The following ULK4 variants were observed in gnomAD, a reference collection of about 807,000 sequenced individuals.
ULK4 encodes unc-51 like kinase 4.
In ULK4, 133 loss-of-function variants were observed where a neutral mutation model predicts 160.6. The observed-to-expected ratio is 0.83, with a 90% confidence interval of 0.72 to 0.96. The LOEUF is 0.96. Among genes scored for constraint, ULK4 ranks in the 40% least tolerant of loss-of-function variants. The pLI, the probability that ULK4 is intolerant of heterozygous loss-of-function variation, is 0.00. For missense variants in ULK4, 1,580 were observed against 1,499.5 expected (o/e 1.05, Z -0.89); for synonymous variants, 534 against 539.8 (o/e 0.99, Z 0.15).
chr3:41,575,889 A>G (rs890251730), intron 31 of ULK4, among the ~76,000 whole-genome samples: 14 of 152,102 alleles, frequency 9.2e-5, no homozygotes, highest in African/African-American at 3.1e-4. Flanking sequence ...TTGGCTCTCA[A>G]TGTGGCCCTA....
chr3:41,476,719 C>T (rs987201429), intron 32 of ULK4, among the ~76,000 whole-genome samples: 1 of 152,068 alleles, frequency 6.6e-6, no homozygotes, highest in African/African-American at 2.4e-5. Context: ...GACTACTGGG[C>T]AAATGCATAG....
chr3:41,482,437 G>A (rs1431392210), intron 32 of ULK4, among the ~76,000 whole-genome samples: 1 of 152,150 alleles, frequency 6.6e-6, no homozygotes, highest in African/African-American at 2.4e-5. Context: ...TATGGCCAGA[G>A]AGGAGAAACT....
At position 41,267,070 on chromosome 3, in the gene ULK4, A is replaced by T. The variant is rs1184516781; in HGVS notation, c.3679-17496T>A. Among the ~76,000 whole-genome samples, 3 of 143,162 alleles carry T rather than the reference A, an allele frequency of 2.1e-5. No homozygotes were observed. In the Admixed American group the frequency reaches 2.2e-4, roughly 10 times the overall value. The allele number at this position is 143,162 out of a possible 152,430, so 93.9% of individuals were successfully genotyped here. ...TTTTTTTGCTTTTAAGTTCCAGGATACATGTACAGTACATGCAGGTTGGTT... is the reference window on the plus strand; with the variant it reads ...TTTTTTTGCTTTTAAGTTCCAGGATTCATGTACAGTACATGCAGGTTGGTT... On this transcript the variant is annotated intron_variant, in intron 35 of 36. Coordinates refer to ENST00000301831, the MANE Select transcript of ULK4 (RefSeq NM_017886.4).
rs368901035 is a variant in ULK4 at position 41,660,694 on chromosome 3, C to T, written c.3071+2913G>A. Among the ~76,000 whole-genome samples, 16 of 152,242 alleles carry T rather than the reference C, an allele frequency of 1.1e-4. No homozygotes were observed. In the East Asian group the frequency reaches 1.7e-3, roughly 17 times the overall value. On this transcript the variant is annotated intron_variant, in intron 30 of 36. Transcript: ENST00000301831. ...GGTCTTTAATGCATTGCTCTTGATC[C>T]CCTTGACCTTTGGAGCCTCAGCCAT...
intron 29 of ULK4, among the ~76,000 whole-genome samples, chr3:41,665,740 C>A (rs984460940): frequency 1.3e-5 from 2 of 152,042 alleles, no homozygotes; most frequent in East Asian, 3.9e-4. Flanking sequence ...TAAAATCTAA[C>A]GTCTACTTAA....
intron 32 of ULK4, among the ~76,000 whole-genome samples, chr3:41,495,621 T>C (rs867389868): frequency 7.9e-4 from 118 of 150,184 alleles, no homozygotes; most frequent in African/African-American, 2.6e-3. Context: ...CAAAAGAAAC[T>C]ACCATCAGAG....
intron 35 of ULK4, among the ~76,000 whole-genome samples, chr3:41,307,189 G>A (rs2079962589): frequency 6.6e-6 from 1 of 151,682 alleles, no homozygotes. Context: ...ATAGGACAGT[G>A]AGTGAAGGTG....
chr3:41,718,807 T>G (rs2037358348), intron 22 of ULK4, among the ~76,000 whole-genome samples: 1 of 152,238 alleles, frequency 6.6e-6, no homozygotes, highest in Admixed American at 6.5e-5. Flanking sequence ...ATTGAAATCT[T>G]GATACTTAGC....
At chr3:41,366,547 C>CCA (rs2081257209) in intron 35 of ULK4, among the ~76,000 whole-genome samples, 3 of 129,336 alleles carry the variant, frequency 2.3e-5, no homozygotes, top group Non-Finnish European at 4.8e-5. Context: ...GAAAATATGG[C>CCA]TACACACACA....
chr3:41,915,765 CT>C (rs2148808367), intron 8 of ULK4, among the ~76,000 whole-genome samples: 1 of 152,216 alleles, frequency 6.6e-6, no homozygotes, highest in South Asian at 2.1e-4. Context: ...TTAAAAACAC[CT>C]GCAAACTGAG....
intron 2 of ULK4, among the ~76,000 whole-genome samples, chr3:41,941,556 G>C (rs1268174036): frequency 6.6e-6 from 1 of 151,096 alleles, no homozygotes; most frequent in African/African-American, 2.4e-5. Context: ...GAGCGACCAA[G>C]AGAAAATTTA....
intron 31 of ULK4, among the ~76,000 whole-genome samples, chr3:41,571,656 G>A (rs1190514007): frequency 1.3e-5 from 2 of 152,226 alleles, no homozygotes; most frequent in African/African-American, 4.8e-5. Flanking sequence ...CCACAGGTCA[G>A]AGTTGGAGGG....
chr3:41,873,014 A>G (rs1352260674), intron 17 of ULK4, among the ~76,000 whole-genome samples: 4 of 152,110 alleles, frequency 2.6e-5, no homozygotes, highest in Non-Finnish European at 5.9e-5. Context: ...TAAGCCGAGT[A>G]TGGTGGTAGA....
rs1287976760 is a variant in ULK4, at chr3:41,265,843, C to T, written c.3679-16269G>A. On this transcript the variant is annotated intron_variant, in intron 35 of 36. Transcript: ENST00000301831. The stretch of plus-strand genomic sequence containing the variant: ...TCTGTGGGTTTTTACCTCCAAGAGA[C>T]AGGTCCACTGTCAGCTGACCCAAAA... Among the ~76,000 whole-genome samples, 8 of 152,206 alleles carry T rather than the reference C, an allele frequency of 5.3e-5. No homozygotes were observed. The East Asian group carries it at 1.6e-3, about 30-fold the overall frequency.
chr3:41,917,680 T>C (rs1699015242), intron 7 of ULK4, among the ~76,000 whole-genome samples: 1 of 152,070 alleles, frequency 6.6e-6, no homozygotes, highest in Admixed American at 6.6e-5. Context: ...TACAACTGTA[T>C]CTAATTTTAA....
In ULK4 at chr3:41,686,306, C is replaced by A. The variant is rs367598569; in HGVS notation, c.2782-4502G>T. ...ATGTATATACACAAATATAAAATAA[C>A]CAACAGTACATAAATAGGGATATGT... is the stretch of plus-strand genomic sequence containing the variant. On this transcript the variant is annotated intron_variant, in intron 27 of 36. Transcript: ENST00000301831. Among the ~76,000 whole-genome samples, 18 of 152,206 alleles carry A rather than the reference C, an allele frequency of 1.2e-4. No homozygotes were observed. In the South Asian group the frequency reaches 1.2e-3, roughly 11 times the overall value.
intron 30 of ULK4, among the ~76,000 whole-genome samples, chr3:41,656,293 C>A (rs1269984933): frequency 6.6e-6 from 1 of 151,832 alleles, no homozygotes; most frequent in East Asian, 1.9e-4. Context: ...ATTAATATTT[C>A]TTTTATTATT....
At chr3:41,567,112 CT>C (rs1447087356) in intron 31 of ULK4, among the ~76,000 whole-genome samples, 13 of 152,166 alleles carry the variant, frequency 8.5e-5, no homozygotes, top group Admixed American at 5.2e-4. Flanking sequence ...TGATCTAGAC[CT>C]TTTTATATTC....
intron 34 of ULK4, among the ~76,000 whole-genome samples, chr3:41,411,815 G>A (rs1337548417): frequency 2.0e-5 from 3 of 151,366 alleles, no homozygotes; most frequent in South Asian, 4.2e-4. Flanking sequence ...AGCCTCCCCC[G>A]CCCCTCTTTT....
Sources: gnomAD v4.1 joint callset for allele counts (sites outside exome capture counted in the v4.1 genomes callset) on GRCh38, gnomAD v4.1.1 for gene constraint, MANE v1.5 for transcripts, NCBI Gene and HGNC (gene_info 2026-07-23, HGNC 2026-07-21) for gene names.